The following ERGIC1 variants were observed in gnomAD, a reference collection of about 807,000 sequenced individuals.
ERGIC1 encodes endoplasmic reticulum-Golgi intermediate compartment protein 1.
Under a neutral mutation model 38.3 loss-of-function variants are expected in ERGIC1, and 19 were observed. That is an observed-to-expected ratio of 0.50 (90% CI 0.35 to 0.73). The LOEUF (loss-of-function observed/expected upper bound fraction) is 0.73, where lower values mean the gene tolerates loss of function less well. Among genes scored for constraint, ERGIC1 ranks in the 30% least tolerant of loss-of-function variants. The probability of loss-of-function intolerance (pLI) is 0.01; values close to 1 mark genes in which losing one functional copy is unlikely to be tolerated. For synonymous variants in ERGIC1, 124 were observed against 157.6 expected (o/e 0.79, Z 1.60); for missense variants, 294 against 389.2 (o/e 0.76, Z 2.06).
rs1308701459 is a variant in ERGIC1 at position 172,894,046 on chromosome 5, AT to A, written c.83-2943del. On this transcript the variant is annotated intron_variant, in intron 2 of 9. Transcript: ENST00000393784. The stretch of plus-strand genomic sequence containing the variant: ...AGACTCACTTTTTTTATACAGCTGG[AT>A]TTTTTTTTTTTTATAATACGCATTG... 3.0e-3 allele frequency among the ~76,000 whole-genome samples: 301 copies of A among 100,352 alleles called. 3 individuals carry two copies. The highest frequency in any genetic ancestry group is 0.023 in the East Asian group (80 of 3,436). 65.8% of individuals were successfully genotyped at this position (100,352 alleles called of 152,430 possible). A position where few individuals can be genotyped will look rare whatever the true frequency, so the allele number is the denominator to read the frequency against.
At chr5:172,909,168 C>CCTTTTTTTTT (rs1561730358) in intron 3 of ERGIC1, among the ~76,000 whole-genome samples, 1 of 80,840 alleles carries the variant, frequency 1.2e-5, no homozygotes, top group African/African-American at 4.7e-5. Flanking sequence ...GCCCTCCCCT[C>CCTTTTTTTTT]TTTTTTTTTT....
chr5:172,857,946 G>A lies in ERGIC1; in HGVS notation c.20+23513G>A, dbSNP rs536654144. ...TACTGGTCACTGTGCCAGGCACTGC[G>A]AGACTCGGTGGTGAACGGCAGGGAT... On this transcript the variant is annotated intron_variant, in intron 1 of 9. Coordinates refer to ENST00000393784, the MANE Select transcript of ERGIC1 (RefSeq NM_001031711.3). Among the ~76,000 whole-genome samples, 16 of 152,282 alleles carry A rather than the reference G, an allele frequency of 1.1e-4. 1 individual carries two copies. The highest frequency in any genetic ancestry group is 2.0e-4 in the Admixed American group (3 of 15,296).
intron 3 of ERGIC1, among the ~76,000 whole-genome samples, chr5:172,902,244 T>G (rs1328065665): frequency 6.6e-6 from 1 of 152,056 alleles, no homozygotes; most frequent in Non-Finnish European, 1.5e-5. Flanking sequence ...AGGTGGGAGC[T>G]TGGAGGTCAC....
intron 1 of ERGIC1, among the ~76,000 whole-genome samples, chr5:172,884,438 A>G (rs934835538): frequency 2.0e-5 from 3 of 151,992 alleles, no homozygotes; most frequent in Admixed American, 2.0e-4. Flanking sequence ...TGTTGTTTGT[A>G]GAGATGAGGT....
chr5:172,876,142 A>G (rs1022570589), intron 1 of ERGIC1, among the ~76,000 whole-genome samples: 5 of 152,326 alleles, frequency 3.3e-5, no homozygotes, highest in African/African-American at 1.2e-4. Context: ...AGGCAGGCAG[A>G]TGGATCACTG....
chr5:172,902,260 G>C (rs1051342383), intron 3 of ERGIC1, among the ~76,000 whole-genome samples: 1 of 152,176 alleles, frequency 6.6e-6, no homozygotes. Flanking sequence ...GTCACCTGGA[G>C]GTCACGGTGT....
chr5:172,944,887 C>T (rs1764089134), intron 9 of ERGIC1, among the ~76,000 whole-genome samples: 1 of 152,236 alleles, frequency 6.6e-6, no homozygotes, highest in African/African-American at 2.4e-5. Context: ...TTTTCATCAG[C>T]ACTGCCTTCC....
At chr5:172,872,931 G>A (rs1166289204) in intron 1 of ERGIC1, among the ~76,000 whole-genome samples, 2 of 152,214 alleles carry the variant, frequency 1.3e-5, no homozygotes, top group African/African-American at 2.4e-5. Flanking sequence ...CCCAAAAGGG[G>A]CACCTTTCAC....
chr5:172,920,102 G>C (rs1466412988), intron 5 of ERGIC1, among the ~76,000 whole-genome samples: 1 of 152,122 alleles, frequency 6.6e-6, no homozygotes, highest in Non-Finnish European at 1.5e-5. Flanking sequence ...CAACATCTTG[G>C]TTACACATGT....
At position 172,834,701 on chromosome 5, in the gene ERGIC1, A is replaced by ATT. The variant is rs1176448912; in HGVS notation, c.20+269_20+270dup. ...TCCCCAGCCTGCCCGGATACCTTGCATTCCCCTCCCCCACACTAGGAAACA... is the reference window on the plus strand; with the variant it reads ...TCCCCAGCCTGCCCGGATACCTTGCATTTTCCCCTCCCCCACACTAGGAAACA... On this transcript the variant is annotated intron_variant, in intron 1 of 9. Coordinates refer to ENST00000393784, the MANE Select transcript of ERGIC1 (RefSeq NM_001031711.3). The surrounding 1 kb of genome is among the most constrained non-coding windows in gnomAD (Gnocchi z 4.1). 1.4e-5 allele frequency among the ~76,000 whole-genome samples: 2 copies of ATT among 146,862 alleles called. No individual in the cohort carries two copies. Among genetic ancestry groups the ATT allele is most frequent in the Non-Finnish European group, 3.0e-5 (2 of 66,636 alleles).
At chr5:172,943,094 C>T (rs976682004) in intron 9 of ERGIC1, among the ~76,000 whole-genome samples, 3 of 152,106 alleles carry the variant, frequency 2.0e-5, no homozygotes, top group Non-Finnish European at 4.4e-5. Flanking sequence ...ACAAGTCATT[C>T]CCTCTCTGAC....
In ERGIC1 at chr5:172,951,854, T is replaced by C. The variant is rs539936; in HGVS notation, c.*1038T>C. 0.19 allele frequency: 28,560 copies of C among 152,294 alleles called. 6,833 individuals carry two copies. The highest frequency in any genetic ancestry group is 0.56 in the African/African-American group (23,314 of 41,486). 9.4% of individuals were successfully genotyped at this position (152,294 alleles called of 1,614,324 possible). A position where few individuals can be genotyped will look rare whatever the true frequency, so the allele number is the denominator to read the frequency against. On this transcript the variant is annotated 3_prime_UTR_variant, in exon 10 of 10. Transcript: ENST00000393784. Reference sequence around the variant, plus strand: ...AGCAAAGCAGGCCAGGCCTGTCCTGTCCGTGGACCTCTACCTTCTGGACTC... The same window carrying C: ...AGCAAAGCAGGCCAGGCCTGTCCTGCCCGTGGACCTCTACCTTCTGGACTC...
chr5:172,862,756 T>C (rs1302898405), intron 1 of ERGIC1, among the ~76,000 whole-genome samples: 1 of 152,240 alleles, frequency 6.6e-6, no homozygotes, highest in Non-Finnish European at 1.5e-5. Flanking sequence ...CTACTCCTAC[T>C]GTTATATGCT....
rs987510798 is a variant in ERGIC1 at position 172,884,266 on chromosome 5, T to G, written c.21-4433T>G. Among the ~76,000 whole-genome samples, 291 of 150,350 alleles carry G rather than the reference T, an allele frequency of 1.9e-3. 3 individuals are homozygous for G. Among genetic ancestry groups the G allele is most frequent in the African/African-American group, 6.9e-3 (284 of 40,952 alleles). ...CAAGTTTTTTTTTTTTTTTTTTTTT[T>G]TTTTAAAGACAGGGCCTCACCCTGT... On this transcript the variant is annotated intron_variant, in intron 1 of 9. Coordinates refer to ENST00000393784, the MANE Select transcript of ERGIC1 (RefSeq NM_001031711.3).
intron 5 of ERGIC1, among the ~76,000 whole-genome samples, chr5:172,922,961 C>T (rs530606814): frequency 2.0e-5 from 3 of 152,186 alleles, no homozygotes; most frequent in South Asian, 2.1e-4. Context: ...AGAGGTCAGG[C>T]GCCAGGTGTG....
At chr5:172,874,786 G>T (rs1762102860) in intron 1 of ERGIC1, among the ~76,000 whole-genome samples, 1 of 151,974 alleles carries the variant, frequency 6.6e-6, no homozygotes, top group African/African-American at 2.4e-5. Context: ...AATTAGCCAG[G>T]TGCAGTGGTG....
At position 172,950,756 on chromosome 5, in the gene ERGIC1, C is replaced by G; in HGVS notation, c.813C>G (p.Asp271Glu). 1 of 1,613,316 alleles carries G rather than the reference C, an allele frequency of 6.2e-7. No individual in the cohort carries two copies. The highest frequency in any genetic ancestry group is 8.5e-7 in the Non-Finnish European group (1 of 1,179,420). ...CCTTCACCGTCGCCGGCATCCTGGA[C>G]TCATGCATCTTCACAGCCTCTGAGG... ...GGTFTVAGIL[D>E]SCIFTASEAW... The change falls in exon 10 of 10, where the codon GAC becomes GAG. Residue 271 changes from aspartate (D) to glutamate (E), a missense_variant. Asp to Glu is a conservative substitution (Grantham distance 45, BLOSUM62 2). This residue lies in a region of ERGIC1 where 22 missense variants were observed against 50.7 expected (regional missense o/e 0.43). Coordinates refer to ENST00000393784, the MANE Select transcript of ERGIC1 (RefSeq NM_001031711.3).
intron 1 of ERGIC1, among the ~76,000 whole-genome samples, chr5:172,875,828 C>G (rs572476275): frequency 2.0e-5 from 3 of 152,174 alleles, no homozygotes; most frequent in Non-Finnish European, 2.9e-5. Context: ...AAGAGATTTT[C>G]CTGCCTTGGG....
intron 1 of ERGIC1, among the ~76,000 whole-genome samples, chr5:172,865,673 T>TA (rs1761839756): frequency 6.6e-6 from 1 of 152,198 alleles, no homozygotes; most frequent in Non-Finnish European, 1.5e-5. Flanking sequence ...CCCCTTGCTT[T>TA]AGTCTTGCCT....
Sources: allele counts gnomAD v4.1 joint callset (sites outside exome capture counted in the v4.1 genomes callset), GRCh38; gene constraint gnomAD v4.1.1; regional missense constraint gnomAD v4.1.1; non-coding constraint Gnocchi (gnomAD v3.1); transcripts MANE v1.5; gene names NCBI Gene and HGNC (gene_info 2026-07-23, HGNC 2026-07-21).